Variants in ARID5B observed in about 807,000 individuals in gnomAD.
ARID5B encodes the protein AT-rich interaction domain 5B, also known as AT-rich interactive domain-containing protein 5B.
In ARID5B, 13 loss-of-function variants were observed where a neutral mutation model predicts 97.2. That is an observed-to-expected ratio of 0.13 (90% CI 0.09 to 0.21). ARID5B has a LOEUF of 0.21. Ranked by LOEUF, ARID5B falls within the 10% of genes least tolerant of loss-of-function variation. The probability of loss-of-function intolerance (pLI) is 1.00; values close to 1 mark genes in which losing one functional copy is unlikely to be tolerated. For synonymous variants in ARID5B, 556 were observed against 570.3 expected, an observed-to-expected ratio of 0.97 and a Z score of 0.36; for missense variants, 1,210 against 1,465.3, an observed-to-expected ratio of 0.83 and a Z score of 2.84.
chr10:62,004,515 A>C (rs1041277731), intron 4 of ARID5B, among the ~76,000 whole-genome samples: 1 of 152,192 alleles, frequency 6.6e-6, no homozygotes, highest in Admixed American at 6.5e-5. Flanking sequence ...TTTTTTCTTC[A>C]TAAGAATCTT....
chr10:61,948,609 G>T (rs1017082493), intron 3 of ARID5B, among the ~76,000 whole-genome samples: 1 of 152,004 alleles, frequency 6.6e-6, no homozygotes, highest in Non-Finnish European at 1.5e-5. Context: ...CTCGTGATCT[G>T]CCCACCTTGG....
chr10:62,072,708 C>A (rs760711449), intron 8 of ARID5B, among the ~76,000 whole-genome samples: 1 of 152,210 alleles, frequency 6.6e-6, no homozygotes. Context: ...CAGATGCAAC[C>A]GCTAACTACC....
In ARID5B at chr10:61,984,279, T is replaced by C. The variant is rs539807672; in HGVS notation, c.503-15812T>C. ...ATGGAGGATAGGACTGGGAGCTCCC[T>C]GAGAGCAGGTGCTGTCATGTTCACC... On this transcript the variant is annotated intron_variant, in intron 3 of 9. Coordinates refer to ENST00000279873, the MANE Select transcript of ARID5B (RefSeq NM_032199.3). Among the ~76,000 whole-genome samples the C allele has an allele frequency of 1.3e-4, 20 of 152,338 alleles. No homozygotes were observed. In the South Asian group the frequency reaches 3.7e-3, roughly 28 times the overall value.
intron 4 of ARID5B, among the ~76,000 whole-genome samples, chr10:62,035,616 G>A (rs1466246926): frequency 2.6e-5 from 4 of 151,670 alleles, no homozygotes; most frequent in Admixed American, 1.3e-4. Context: ...CCAGCCTCCC[G>A]AGTAGCTGCG....
Position 62,094,608 on chromosome 10 carries a change from G to A in ARID5B, c.*1578G>A, listed in dbSNP as rs75299153. 284 of 230,902 alleles carry A rather than the reference G, an allele frequency of 1.2e-3. 1 individual carries two copies. Among genetic ancestry groups the A allele is most frequent in the African/African-American group, 5.9e-3 (269 of 45,316 alleles). 14.3% of individuals were successfully genotyped at this position (230,902 alleles called of 1,614,324 possible). ...CAGTGAAAAGATGTGGAGAATGTCC[G>A]TTGTCATTCTTGCCACTGTATTCCA... On this transcript the variant is annotated 3_prime_UTR_variant, in exon 10 of 10. Coordinates refer to ENST00000279873, the MANE Select transcript of ARID5B (RefSeq NM_032199.3).
At chr10:61,988,403 A>T (rs1369849454) in intron 3 of ARID5B, among the ~76,000 whole-genome samples, 1 of 152,222 alleles carries the variant, frequency 6.6e-6, no homozygotes, top group African/African-American at 2.4e-5. Context: ...CCCAGAGGAG[A>T]GGGCTCTCAC....
At chr10:61,941,481 A>C (rs1295017341) in intron 3 of ARID5B, among the ~76,000 whole-genome samples, 1 of 150,390 alleles carries the variant, frequency 6.6e-6, no homozygotes, top group Non-Finnish European at 1.5e-5. Flanking sequence ...TGATTTTTGC[A>C]GTCCTATTTT....
chr10:61,928,595 C>G (rs1218450746), intron 2 of ARID5B, among the ~76,000 whole-genome samples: 2 of 152,124 alleles, frequency 1.3e-5, no homozygotes, highest in African/African-American at 4.8e-5. Flanking sequence ...ACCTGCCCCC[C>G]AACTTGAATT....
chr10:62,091,800 T>A lies in ARID5B; in HGVS notation c.2337T>A (p.Ser779Arg), dbSNP rs756615463. The A allele has an allele frequency of 3.1e-6, 5 of 1,613,628 alleles. No homozygotes were observed. Among genetic ancestry groups the A allele is most frequent in the Middle Eastern group, 1.7e-4 (1 of 6,058 alleles). The change falls in exon 10 of 10, where the codon AGT becomes AGA. Residue 779 changes from serine (S) to arginine (R), a missense_variant. Physicochemically the swap from Ser to Arg is moderately radical, Grantham distance 110 (BLOSUM62 -1). Coordinates refer to ENST00000279873, the MANE Select transcript of ARID5B (RefSeq NM_032199.3). ...INDIFKHEKLSRSDPHRCSFS... is the reference protein window; with the variant it reads ...INDIFKHEKLRRSDPHRCSFS... ...ACATCTTTAAGCATGAGAAACTGAG[T>A]CGATCAGATCCCCACCGCTGCAGCT...
chr10:61,942,622 T>C (rs1464570821), intron 3 of ARID5B, among the ~76,000 whole-genome samples: 1 of 152,106 alleles, frequency 6.6e-6, no homozygotes, highest in African/African-American at 2.4e-5. Context: ...TGAAACCCCA[T>C]CTCTACTAAA....
intron 3 of ARID5B, among the ~76,000 whole-genome samples, chr10:61,948,583 G>T (rs978454258): frequency 1.3e-5 from 2 of 151,968 alleles, no homozygotes; most frequent in Non-Finnish European, 2.9e-5. Context: ...GGCCAGGATG[G>T]CCTCGATCTC....
At chr10:62,045,976 G>A (rs6479781) in intron 4 of ARID5B, among the ~76,000 whole-genome samples, 63,900 of 152,018 alleles carry the variant, frequency 0.42, 14,693 homozygotes, top group Non-Finnish European at 0.54. Context: ...AAACTCTTAG[G>A]AAAATTGTGC....
At chr10:62,027,523 C>T (rs995779740) in intron 4 of ARID5B, among the ~76,000 whole-genome samples, 4 of 151,458 alleles carry the variant, frequency 2.6e-5, no homozygotes, top group Non-Finnish European at 5.9e-5. Context: ...CCATGTTAGC[C>T]AGGATCATCT....
chr10:62,053,952 G>T (rs2132935337), intron 5 of ARID5B, among the ~76,000 whole-genome samples: 1 of 152,336 alleles, frequency 6.6e-6, no homozygotes, highest in Non-Finnish European at 1.5e-5. Context: ...ACCAAGATTA[G>T]AACTCTAGCT....
At chr10:62,009,561 T>C (rs1304542424) in intron 4 of ARID5B, among the ~76,000 whole-genome samples, 2 of 152,160 alleles carry the variant, frequency 1.3e-5, no homozygotes, top group Non-Finnish European at 2.9e-5. Context: ...AGACCTGGCA[T>C]GTTGCTGAAG....
intron 2 of ARID5B, among the ~76,000 whole-genome samples, chr10:61,905,214 A>G (rs1345810948): frequency 2.6e-5 from 4 of 152,260 alleles, no homozygotes; most frequent in African/African-American, 9.6e-5. Flanking sequence ...CAGCCAGTAC[A>G]GTTTATTTTA....
chr10:62,022,576 C>T (rs559081691), intron 4 of ARID5B, among the ~76,000 whole-genome samples: 1 of 152,152 alleles, frequency 6.6e-6, no homozygotes, highest in Non-Finnish European at 1.5e-5. Context: ...CCTTTTTGCA[C>T]AACAAATTCC....
chr10:62,072,408 T>C (rs1840077189), intron 8 of ARID5B, among the ~76,000 whole-genome samples: 1 of 152,198 alleles, frequency 6.6e-6, no homozygotes, highest in South Asian at 2.1e-4. Flanking sequence ...TGCAGAATAG[T>C]AACAGGAAGA....
At chr10:62,009,204 A>G (rs530050193) in intron 4 of ARID5B, among the ~76,000 whole-genome samples, 4 of 152,188 alleles carry the variant, frequency 2.6e-5, no homozygotes, top group Non-Finnish European at 5.9e-5. Flanking sequence ...GAAGTTGCCT[A>G]GAAATTCTGT....
Sources: gnomAD v4.1 joint callset for allele counts (sites outside exome capture counted in the v4.1 genomes callset) on GRCh38, gnomAD v4.1.1 for gene constraint, MANE v1.5 for transcripts, NCBI Gene and HGNC (gene_info 2026-07-23, HGNC 2026-07-21) for gene names.